The following XKR6 variants were observed in gnomAD, a reference collection of about 807,000 sequenced individuals.
XKR6 encodes the protein XK-related protein 6.
Under a neutral mutation model 56.7 loss-of-function variants are expected in XKR6, and 22 were observed. The ratio of observed to expected loss-of-function variants is 0.39; its 90% CI spans 0.28 to 0.55. XKR6 has a LOEUF of 0.55. Ranked by LOEUF, XKR6 falls within the 20% of genes least tolerant of loss-of-function variation. The pLI is 0.66. For synonymous variants in XKR6, 524 were observed against 387.8 expected (o/e 1.35, Z -4.13); for missense variants, 852 against 889.0 (o/e 0.96, Z 0.53).
intron 1 of XKR6, among the ~76,000 whole-genome samples, chr8:11,163,642 A>C (rs17152953): frequency 0.056 from 8,553 of 152,312 alleles, 530 homozygotes; most frequent in African/African-American, 0.16. Flanking sequence ...GGAGGAATAG[A>C]ACGCATTGCT....
intron 2 of XKR6, among the ~76,000 whole-genome samples, chr8:10,904,644 G>C (rs1007620664): frequency 6.6e-6 from 1 of 152,170 alleles, no homozygotes; most frequent in African/African-American, 2.4e-5. Flanking sequence ...GGCTGTGACC[G>C]GGATGGGCCA....
intron 2 of XKR6, among the ~76,000 whole-genome samples, chr8:10,923,049 A>G (rs774042276): frequency 5.3e-5 from 8 of 152,208 alleles, no homozygotes; most frequent in Non-Finnish European, 8.8e-5. Flanking sequence ...CAGATGCCCA[A>G]GGGCAGATGT....
chr8:11,149,570 G>T (rs920684965), intron 1 of XKR6, among the ~76,000 whole-genome samples: 1 of 151,404 alleles, frequency 6.6e-6, no homozygotes, highest in Non-Finnish European at 1.5e-5. Flanking sequence ...AATATTAAAA[G>T]CTAATGAGAT....
At chr8:10,927,225 G>A (rs1006467403) in intron 1 of XKR6, among the ~76,000 whole-genome samples, 4 of 152,154 alleles carry the variant, frequency 2.6e-5, no homozygotes, top group African/African-American at 9.7e-5. Flanking sequence ...GGCATCAGGG[G>A]ACATGAATGC....
chr8:11,083,677 A>C (rs1164762167), intron 1 of XKR6, among the ~76,000 whole-genome samples: 1 of 152,200 alleles, frequency 6.6e-6, no homozygotes, highest in African/African-American at 2.4e-5. Flanking sequence ...ATTATACGTA[A>C]AAGTCAAAAA....
chr8:10,899,547 G>A (rs1799978721), intron 2 of XKR6, among the ~76,000 whole-genome samples: 1 of 152,192 alleles, frequency 6.6e-6, no homozygotes, highest in African/African-American at 2.4e-5. Flanking sequence ...CCATTTCACA[G>A]ACTTCCTCTC....
chr8:11,054,410 G>T (rs190831243), intron 1 of XKR6, among the ~76,000 whole-genome samples: 1 of 152,194 alleles, frequency 6.6e-6, no homozygotes, highest in Non-Finnish European at 1.5e-5. Context: ...TCCATGTACC[G>T]GTGTTCAAGT....
At chr8:10,907,382 A>G (rs1372905685) in intron 2 of XKR6, among the ~76,000 whole-genome samples, 1 of 152,200 alleles carries the variant, frequency 6.6e-6, no homozygotes, top group Non-Finnish European at 1.5e-5. Context: ...GTCATCTGCT[A>G]GTTTCTAGTA....
intron 1 of XKR6, among the ~76,000 whole-genome samples, chr8:10,950,123 A>G (rs1205726858): frequency 2.6e-5 from 4 of 152,190 alleles, no homozygotes; most frequent in African/African-American, 9.7e-5. Context: ...CTGAGACCAG[A>G]AGAGGTCACA....
rs1441728478 is a variant in XKR6, at chr8:10,951,222, G to A, written c.765-26392C>T. Among the ~76,000 whole-genome samples the A allele has an allele frequency of 2.0e-5, 3 of 151,558 alleles. No individual in the cohort carries two copies. In the East Asian group the frequency reaches 5.8e-4, roughly 29 times the overall value. Reference sequence around the variant, plus strand: ...TAGACAGTGTTCAAATGAGCAAATAGTGATGGAAACTCATGCTGGGGGGAC... The same window carrying A: ...TAGACAGTGTTCAAATGAGCAAATAATGATGGAAACTCATGCTGGGGGGAC... On this transcript the variant is annotated intron_variant, in intron 1 of 2. Transcript: ENST00000416569.
rs1357173078 is a variant in XKR6 at position 11,049,462 on chromosome 8, G to A, written c.765-124632C>T. Among the ~76,000 whole-genome samples, 3 of 152,162 alleles carry A rather than the reference G, an allele frequency of 2.0e-5. 1 individual carries two copies. The highest frequency in any genetic ancestry group is 2.4e-5 in the African/African-American group (1 of 41,442). On this transcript the variant is annotated intron_variant, in intron 1 of 2. Coordinates refer to ENST00000416569, the MANE Select transcript of XKR6 (RefSeq NM_173683.4). ...CTGCTCCCTGCGCCTCTCTGCAGGGGGCTGCGGGAATTAGCCTCCTCCAGG... is the reference window on the plus strand; with the variant it reads ...CTGCTCCCTGCGCCTCTCTGCAGGGAGCTGCGGGAATTAGCCTCCTCCAGG...
chr8:11,135,119 G>A (rs1049513255), intron 1 of XKR6, among the ~76,000 whole-genome samples: 2 of 150,012 alleles, frequency 1.3e-5, no homozygotes, highest in Non-Finnish European at 2.9e-5. Flanking sequence ...TGCAAGCTCC[G>A]CCTCCCGGGT....
At chr8:11,197,241 C>T (rs888310884) in intron 1 of XKR6, among the ~76,000 whole-genome samples, 4 of 152,220 alleles carry the variant, frequency 2.6e-5, no homozygotes, top group African/African-American at 9.6e-5. Context: ...ACACATAAAA[C>T]TACATCCATT....
intron 1 of XKR6, among the ~76,000 whole-genome samples, chr8:11,067,801 A>G (rs1800019405): frequency 6.6e-6 from 1 of 152,214 alleles, no homozygotes; most frequent in South Asian, 2.1e-4. Context: ...GGCGTTTCAG[A>G]GGTGGATGTG....
At chr8:11,020,528 C>G (rs1465359548) in intron 1 of XKR6, among the ~76,000 whole-genome samples, 1 of 152,200 alleles carries the variant, frequency 6.6e-6, no homozygotes, top group African/African-American at 2.4e-5. Context: ...AATGTGCTTG[C>G]AGCCTGGGAA....
At chr8:11,029,175 C>A (rs774057416) in intron 1 of XKR6, among the ~76,000 whole-genome samples, 15 of 152,068 alleles carry the variant, frequency 9.9e-5, no homozygotes, top group Non-Finnish European at 1.9e-4. Flanking sequence ...CCTCCCAGGC[C>A]CCTTCACTCT....
chr8:11,106,190 A>G (rs1798668703), intron 1 of XKR6: 1 of 152,202 alleles, frequency 6.6e-6, no homozygotes, highest in African/African-American at 2.4e-5. Flanking sequence ...TGGATAGTCA[A>G]TGAGGGTTCA....
chr8:11,181,408 G>A (rs57068380), intron 1 of XKR6, among the ~76,000 whole-genome samples: 5,605 of 152,108 alleles, frequency 0.037, 345 homozygotes, highest in African/African-American at 0.13. Context: ...AATATGGATC[G>A]CCTTTTTATA....
intron 1 of XKR6, among the ~76,000 whole-genome samples, chr8:10,985,531 T>A (rs1797842331): frequency 6.6e-6 from 1 of 151,430 alleles, no homozygotes. Flanking sequence ...TCCCACACAC[T>A]TCTTTCTTGC....
Sources: gnomAD v4.1 joint callset for allele counts (sites outside exome capture counted in the v4.1 genomes callset) on GRCh38, gnomAD v4.1.1 for gene constraint, MANE v1.5 for transcripts, NCBI Gene and HGNC (gene_info 2026-07-23, HGNC 2026-07-21) for gene names.